Variants in VSNL1 observed in about 807,000 individuals in gnomAD.
The protein encoded by VSNL1 is visinin like 1, also known as visinin-like protein 1.
Under a neutral mutation model 20.4 loss-of-function variants are expected in VSNL1, and 6 were observed. The ratio of observed to expected loss-of-function variants is 0.29; its 90% CI spans 0.16 to 0.58. The LOEUF is 0.58. Ranked by LOEUF, VSNL1 falls within the 20% of genes least tolerant of loss-of-function variation. The pLI is 0.90. For missense variants in VSNL1, 100 were observed against 234.5 expected, an observed-to-expected ratio of 0.43 and a Z score of 3.75; for synonymous variants, 93 against 86.4, an observed-to-expected ratio of 1.08 and a Z score of -0.42.
intron 1 of VSNL1, among the ~76,000 whole-genome samples, chr2:17,544,462 T>A (rs967299200): frequency 2.6e-5 from 4 of 152,214 alleles, no homozygotes; most frequent in African/African-American, 9.6e-5. Context: ...TTTACTACAC[T>A]GTGAATCACC....
At position 17,649,073 on chromosome 2, in the gene VSNL1, G is replaced by C. The variant is rs1385309020; in HGVS notation, c.163-337G>C. On this transcript the variant is annotated intron_variant, in intron 2 of 3. Transcript: ENST00000295156. This position sits in a 1 kb window ranked among gnomAD's most constrained non-coding sequence, Gnocchi z 6.4. ...CACCTGTGTGGGGAGAGAAACTGCT[G>C]TCTGCCTCAGTCCTGTTCCTGGGGG... Among the ~76,000 whole-genome samples, 1 of 152,108 alleles carries C rather than the reference G, an allele frequency of 6.6e-6. No individual in the cohort carries two copies. The highest frequency in any genetic ancestry group is 2.4e-5 in the African/African-American group (1 of 41,420).
intron 1 of VSNL1, among the ~76,000 whole-genome samples, chr2:17,551,896 T>TA (rs34475496): frequency 0.44 from 51,010 of 116,626 alleles, 11,687 homozygotes; most frequent in Non-Finnish European, 0.55. Flanking sequence ...GCAATTTTGT[T>TA]AAAAAAAAAA....
chr2:17,624,485 T>A (rs1249177778), intron 2 of VSNL1, among the ~76,000 whole-genome samples: 3 of 152,324 alleles, frequency 2.0e-5, no homozygotes, highest in Admixed American at 2.0e-4. Flanking sequence ...AGGTTACTAA[T>A]CAGCTAACCT....
At chr2:17,650,136 T>C (rs1229395728) in intron 3 of VSNL1, among the ~76,000 whole-genome samples, 1 of 152,190 alleles carries the variant, frequency 6.6e-6, no homozygotes, top group Non-Finnish European at 1.5e-5. Context: ...TTTCTTCTAA[T>C]GCCCGGTTCC....
chr2:17,594,190 T>C (rs1428874266), intron 2 of VSNL1, among the ~76,000 whole-genome samples: 1 of 152,214 alleles, frequency 6.6e-6, no homozygotes, highest in East Asian at 1.9e-4. Context: ...ACAACTGATA[T>C]ATATGCACCA....
intron 2 of VSNL1, among the ~76,000 whole-genome samples, chr2:17,646,512 T>G (rs567725991): frequency 6.6e-6 from 1 of 152,320 alleles, no homozygotes; most frequent in African/African-American, 2.4e-5. Flanking sequence ...CACTTCCTCA[T>G]CCACAAAATG....
chr2:17,540,698 T>C lies in VSNL1; in HGVS notation c.-226T>C, dbSNP rs569892825. The C allele has an allele frequency of 6.6e-6, 1 of 152,634 alleles. No homozygotes were observed. Among genetic ancestry groups the C allele is most frequent in the Non-Finnish European group, 1.5e-5 (1 of 68,048 alleles). The allele number at this position is 152,634 out of a possible 1,614,324, so 9.5% of individuals were successfully genotyped here. A position where few individuals can be genotyped will look rare whatever the true frequency, so the allele number is the denominator to read the frequency against. Reference sequence around the variant, plus strand: ...CCTAGGTTTTCTATGGGATTCCCAATCTGCAGCAGAGATTTACCCGAGCGT... The same window carrying C: ...CCTAGGTTTTCTATGGGATTCCCAACCTGCAGCAGAGATTTACCCGAGCGT... On this transcript the variant is annotated 5_prime_UTR_variant, in exon 1 of 4. Coordinates refer to ENST00000295156, the MANE Select transcript of VSNL1 (RefSeq NM_003385.5).
At chr2:17,594,748 C>T (rs1485787878) in intron 2 of VSNL1, among the ~76,000 whole-genome samples, 4 of 152,168 alleles carry the variant, frequency 2.6e-5, no homozygotes, top group African/African-American at 9.7e-5. Context: ...GAAGTCAACT[C>T]GGTTGCTAAA....
At chr2:17,614,038 C>G (rs908617886) in intron 2 of VSNL1, among the ~76,000 whole-genome samples, 1 of 152,058 alleles carries the variant, frequency 6.6e-6, no homozygotes, top group Non-Finnish European at 1.5e-5. Flanking sequence ...GGTGGCTGGT[C>G]GGAAAAGGCT....
At chr2:17,626,435 C>T (rs902108380) in intron 2 of VSNL1, among the ~76,000 whole-genome samples, 7 of 152,160 alleles carry the variant, frequency 4.6e-5, no homozygotes, top group East Asian at 3.9e-4. Context: ...CCCAGAGCCT[C>T]GGTGCACAGG....
chr2:17,610,789 A>T (rs999013287), intron 2 of VSNL1, among the ~76,000 whole-genome samples: 1 of 152,204 alleles, frequency 6.6e-6, no homozygotes, highest in African/African-American at 2.4e-5. Context: ...CTCCATCTCC[A>T]GGGAACCTTC....
At chr2:17,636,458 G>A (rs565501464) in intron 2 of VSNL1, among the ~76,000 whole-genome samples, 2 of 152,262 alleles carry the variant, frequency 1.3e-5, no homozygotes, top group South Asian at 4.2e-4. Context: ...GCTCATACAC[G>A]CCCTTTCACA....
At chr2:17,585,934 G>A (rs1450602517) in intron 1 of VSNL1, among the ~76,000 whole-genome samples, 11 of 151,190 alleles carry the variant, frequency 7.3e-5, no homozygotes, top group Admixed American at 3.3e-4. Context: ...TCAGCCTCCC[G>A]AGTAGCTGGG....
intron 1 of VSNL1, among the ~76,000 whole-genome samples, chr2:17,578,784 C>A (rs1050664939): frequency 2.6e-5 from 4 of 152,352 alleles, no homozygotes; most frequent in African/African-American, 9.6e-5. Context: ...TCCAGCCTTG[C>A]TGGATACTTC....
intron 2 of VSNL1, among the ~76,000 whole-genome samples, chr2:17,606,577 G>A (rs1160107532): frequency 1.3e-5 from 2 of 152,190 alleles, no homozygotes; most frequent in South Asian, 4.1e-4. Context: ...TGAGGTTGGA[G>A]AAGCCCACCA....
chr2:17,615,761 C>T (rs1342428726), intron 2 of VSNL1, among the ~76,000 whole-genome samples: 2 of 152,152 alleles, frequency 1.3e-5, no homozygotes, highest in Admixed American at 1.3e-4. Context: ...TTCAAGTCTG[C>T]CAGAGATAGG....
chr2:17,594,316 G>A (rs1389946625), intron 2 of VSNL1, among the ~76,000 whole-genome samples: 1 of 152,042 alleles, frequency 6.6e-6, no homozygotes, highest in Admixed American at 6.6e-5. Flanking sequence ...TTCCAACTCT[G>A]CCTGTACTCT....
intron 2 of VSNL1, among the ~76,000 whole-genome samples, chr2:17,625,480 T>C (rs1308805306): frequency 6.6e-6 from 1 of 152,262 alleles, no homozygotes; most frequent in Non-Finnish European, 1.5e-5. Context: ...TAATAGTTGC[T>C]TTGACAGCAT....
chr2:17,653,383 T>C (rs1211768772), intron 3 of VSNL1, among the ~76,000 whole-genome samples: 1 of 152,204 alleles, frequency 6.6e-6, no homozygotes, highest in Non-Finnish European at 1.5e-5. Flanking sequence ...TGTAAGGGCT[T>C]TTGATTTCGC....
Sources: allele counts gnomAD v4.1 joint callset (sites outside exome capture counted in the v4.1 genomes callset), GRCh38; gene constraint gnomAD v4.1.1; non-coding constraint Gnocchi (gnomAD v3.1); transcripts MANE v1.5; gene names NCBI Gene and HGNC (gene_info 2026-07-23, HGNC 2026-07-21).